FARP1: variants seen among roughly 807,000 people sequenced by gnomAD.
FARP1 encodes the protein FERM, ARH/RhoGEF and pleckstrin domain protein 1.
A neutral mutation model predicts 128.8 loss-of-function variants in FARP1; 52 were observed. The ratio of observed to expected loss-of-function variants is 0.40; its 90% CI spans 0.32 to 0.51. The LOEUF is 0.51. FARP1 is among the 20% of genes least tolerant of loss of function. The pLI is 0.45. For synonymous variants in FARP1, 580 were observed against 551.8 expected (o/e 1.05, Z -0.72); for missense variants, 1,333 against 1,367.9 (o/e 0.97, Z 0.40).
Position 98,410,753 on chromosome 13 carries a change from CG to C in FARP1, c.1623del (p.Tyr542ThrfsTer3). The C allele has an allele frequency of 6.3e-7, 1 of 1,599,834 alleles. No individual in the cohort carries two copies. The highest frequency in any genetic ancestry group is 8.6e-7 in the Non-Finnish European group (1 of 1,169,466). ...TTGCAGAGATTCCCAACTGATAAAG[CG>C]TACTTCATAGCTAAGGAAGTGTCTA... is the stretch of plus-strand genomic sequence containing the variant. Reference protein sequence around the residue: ...GRRKRFPTDKAYFIAKEVSTT... With the variant: ...GRRKRFPTDKXYFIAKEVSTT... On this transcript the variant is annotated frameshift_variant, in exon 15 of 27. Transcript: ENST00000319562. LOFTEE classifies it high-confidence loss of function.
intron 5 of FARP1, among the ~76,000 whole-genome samples, chr13:98,374,424 C>A (rs1269205015): frequency 2.0e-5 from 3 of 152,096 alleles, no homozygotes; most frequent in Non-Finnish European, 4.4e-5. Flanking sequence ...GACTCTGTCT[C>A]AATCAGTCAA....
intron 1 of FARP1, among the ~76,000 whole-genome samples, chr13:98,191,082 G>A (rs1245731433): frequency 2.6e-5 from 4 of 152,098 alleles, no homozygotes; most frequent in South Asian, 2.1e-4. Flanking sequence ...TTTCCTCTCC[G>A]GCCCGACACT....
At chr13:98,253,616 CA>C (rs1883450967) in intron 2 of FARP1, among the ~76,000 whole-genome samples, 1 of 152,242 alleles carries the variant, frequency 6.6e-6, no homozygotes, top group Admixed American at 6.5e-5. Context: ...AACAACACAT[CA>C]CTTACAAAGT....
chr13:98,298,327 A>C (rs1309002436), intron 2 of FARP1, among the ~76,000 whole-genome samples: 3 of 152,224 alleles, frequency 2.0e-5, no homozygotes, highest in Admixed American at 6.5e-5. Context: ...TTCGTGTCGC[A>C]TAATCTGAAG....
intron 2 of FARP1, among the ~76,000 whole-genome samples, chr13:98,240,083 TG>T (rs1566782710): frequency 6.6e-6 from 1 of 152,116 alleles, no homozygotes; most frequent in Non-Finnish European, 1.5e-5. Context: ...CCCTGTGGAC[TG>T]GAGGGGCCTT....
At chr13:98,355,202 A>G (rs1026813680) in intron 3 of FARP1, among the ~76,000 whole-genome samples, 37 of 152,044 alleles carry the variant, frequency 2.4e-4, no homozygotes, top group African/African-American at 7.7e-4. Flanking sequence ...AAAACTAGCC[A>G]GGCATGGTGG....
Position 98,395,220 on chromosome 13 carries a change from C to G in FARP1, c.1165-7C>G, listed in dbSNP as rs769906858. 19 of 1,585,260 alleles carry G rather than the reference C, an allele frequency of 1.2e-5. No homozygotes were observed. Among genetic ancestry groups the G allele is most frequent in the East Asian group, 2.3e-5 (1 of 44,060 alleles). On this transcript the variant is annotated splice_polypyrimidine_tract_variant and splice_region_variant and intron_variant, in intron 12 of 26. Coordinates refer to ENST00000319562, the MANE Select transcript of FARP1 (RefSeq NM_005766.4). ...TCTCTCCGCACCTTTTTCCCCACCC[C>G]ACCCAGTCTCAGCAGAGCACCAGCC...
At chr13:98,266,406 G>A (rs991858639) in intron 2 of FARP1, among the ~76,000 whole-genome samples, 9 of 152,148 alleles carry the variant, frequency 5.9e-5, no homozygotes, top group Non-Finnish European at 8.8e-5. Flanking sequence ...TGTAAAGCAG[G>A]ATTCACAATA....
At chr13:98,321,898 A>G (rs1887007740) in intron 2 of FARP1, among the ~76,000 whole-genome samples, 1 of 152,250 alleles carries the variant, frequency 6.6e-6, no homozygotes. Flanking sequence ...TCTGCCACGT[A>G]ATAGCTGGGG....
intron 9 of FARP1, chr13:98,389,669 T>C (rs12871766): frequency 0.022 from 6,531 of 298,284 alleles, 87 homozygotes; most frequent in Middle Eastern, 0.034. Flanking sequence ...ATAAACATAA[T>C]TTGTATATGA....
intron 9 of FARP1, 63 bp downstream of exon 9, chr13:98,388,541 G>C: frequency 2.4e-6 from 3 of 1,270,944 alleles, no homozygotes; most frequent in Non-Finnish European, 3.5e-6. Flanking sequence ...TCCTGCAAGG[G>C]GTGGAGGTCT....
chr13:98,309,475 C>G (rs535134965), intron 2 of FARP1, among the ~76,000 whole-genome samples: 1 of 152,040 alleles, frequency 6.6e-6, no homozygotes, highest in Non-Finnish European at 1.5e-5. Context: ...GGCCAAGAGG[C>G]CTTTTTTTAA....
chr13:98,441,861 G>C (rs1036266771), intron 24 of FARP1, among the ~76,000 whole-genome samples: 1 of 152,148 alleles, frequency 6.6e-6, no homozygotes. Context: ...TGTTTTCTGA[G>C]CCCACCACCT....
chr13:98,425,239 C>T (rs1204405625), intron 17 of FARP1, among the ~76,000 whole-genome samples: 5 of 151,870 alleles, frequency 3.3e-5, no homozygotes, highest in Admixed American at 6.6e-5. Flanking sequence ...CACTGTCTGA[C>T]TGAACATTTC....
At chr13:98,335,366 A>G in intron 2 of FARP1, among the ~76,000 whole-genome samples, 1 of 152,232 alleles carries the variant, frequency 6.6e-6, no homozygotes. Context: ...CATGGATGGC[A>G]GCAGGCAAAG....
chr13:98,313,020 A>G (rs1886546114), intron 2 of FARP1, among the ~76,000 whole-genome samples: 1 of 152,104 alleles, frequency 6.6e-6, no homozygotes, highest in African/African-American at 2.4e-5. Flanking sequence ...AAGCCCTGTG[A>G]ATGTGACTTA....
rs1008295176 is a variant in FARP1 at position 98,448,524 on chromosome 13, C to T, written c.*207C>T. Reference sequence around the variant, plus strand: ...CGCTCCCACCTCCAGTCCTGGCATCCGCTGGGGGCGCTGTTCTTTAGCTAG... The same window carrying T: ...CGCTCCCACCTCCAGTCCTGGCATCTGCTGGGGGCGCTGTTCTTTAGCTAG... On this transcript the variant is annotated 3_prime_UTR_variant, in exon 27 of 27. Transcript: ENST00000319562. 4.2e-5 allele frequency: 24 copies of T among 568,942 alleles called. No individual in the cohort carries two copies. The highest frequency in any genetic ancestry group is 3.4e-4 in the African/African-American group (18 of 53,056). The allele number at this position is 568,942 out of a possible 1,614,324, so 35.2% of individuals were successfully genotyped here.
intron 17 of FARP1, among the ~76,000 whole-genome samples, chr13:98,429,657 G>A (rs1048303799): frequency 6.6e-6 from 1 of 152,138 alleles, no homozygotes; most frequent in South Asian, 2.1e-4. Flanking sequence ...GAATAAATGC[G>A]GGGGCCCCAG....
At chr13:98,171,887 G>A (rs142311555) in intron 1 of FARP1, among the ~76,000 whole-genome samples, 15 of 152,152 alleles carry the variant, frequency 9.9e-5, no homozygotes, top group Admixed American at 3.9e-4. Context: ...ATCTGCACAC[G>A]CGCTCGGTCA....
Sources: gnomAD v4.1 joint callset for allele counts (sites outside exome capture counted in the v4.1 genomes callset) on GRCh38, gnomAD v4.1.1 for gene constraint, MANE v1.5 for transcripts, NCBI Gene and HGNC (gene_info 2026-07-23, HGNC 2026-07-21) for gene names.